Variants in CAPS2 observed in about 807,000 individuals in gnomAD.
CAPS2 encodes the protein calcyphosine 2.
CAPS2 carries 98 observed loss-of-function variants against 86.5 expected under a neutral mutation model. The ratio of observed to expected loss-of-function variants is 1.13; its 90% CI spans 0.96 to 1.34. The LOEUF is 1.34. Ranked by LOEUF, CAPS2 falls within the 40% of genes most tolerant of loss-of-function variation. The pLI is 0.00. For synonymous variants in CAPS2, 210 were observed against 225.1 expected (o/e 0.93, Z 0.60); for missense variants, 729 against 686.8 (o/e 1.06, Z -0.69).
intron 2 of CAPS2, among the ~76,000 whole-genome samples, chr12:75,324,187 A>C (rs570047394): frequency 2.0e-5 from 3 of 152,322 alleles, no homozygotes; most frequent in East Asian, 3.9e-4. Context: ...AAAGTAAATA[A>C]AAATATTAAC....
intron 8 of CAPS2, among the ~76,000 whole-genome samples, chr12:75,302,437 A>G (rs888735014): frequency 1.3e-5 from 2 of 152,258 alleles, no homozygotes; most frequent in African/African-American, 4.8e-5. Flanking sequence ...GACATATGAC[A>G]TATGTGGCAT....
At chr12:75,291,769 A>G in exon 13 of CAPS2, 1 of 1,569,348 alleles carries the variant, frequency 6.4e-7, no homozygotes, top group Non-Finnish European at 8.7e-7. Flanking sequence ...AGACCAGCCT[A>G]TCATTGGTTT....
At chr12:75,356,369 C>T (rs2043158427) in intron 1 of CAPS2, among the ~76,000 whole-genome samples, 1 of 152,006 alleles carries the variant, frequency 6.6e-6, no homozygotes, top group Non-Finnish European at 1.5e-5. Context: ...ATTTAATTCT[C>T]TTTCAAAGAT....
At chr12:75,300,044 C>T (rs993346525) in intron 8 of CAPS2, 133 bp from the exon 9 acceptor site, 3 of 432,708 alleles carry the variant, frequency 6.9e-6, no homozygotes, top group African/African-American at 4.1e-5. Flanking sequence ...TAAAAAAAAA[C>T]TCTTTTTTTC....
At chr12:75,300,089 C>T (rs1018887721) in intron 8 of CAPS2, among the ~76,000 whole-genome samples, 178 bp from the exon 9 acceptor site, 4 of 151,896 alleles carry the variant, frequency 2.6e-5, no homozygotes, top group Non-Finnish European at 5.9e-5. Context: ...AAAGAAATAA[C>T]TCTGAGATAT....
exon 17 of CAPS2, chr12:75,278,950 A>G (rs2033377920): frequency 1.9e-6 from 3 of 1,610,086 alleles, no homozygotes; most frequent in South Asian, 1.1e-5. Context: ...CTATTCCTAT[A>G]CTTAAACCTT....
chr12:75,388,017 T>C (rs1392020119), intron 1 of CAPS2, among the ~76,000 whole-genome samples: 1 of 152,206 alleles, frequency 6.6e-6, no homozygotes, highest in Non-Finnish European at 1.5e-5. Flanking sequence ...TTGATATGGT[T>C]TGGCTCTGTG....
chr12:75,378,992 T>G (rs955005948), intron 1 of CAPS2, among the ~76,000 whole-genome samples: 1 of 152,236 alleles, frequency 6.6e-6, no homozygotes, highest in African/African-American at 2.4e-5. Context: ...TAAATTCACA[T>G]GTATGTAGAG....
chr12:75,281,811 C>A (rs1424844918), intron 16 of CAPS2, among the ~76,000 whole-genome samples: 1 of 151,894 alleles, frequency 6.6e-6, no homozygotes, highest in Non-Finnish European at 1.5e-5. Flanking sequence ...TTTACAATAT[C>A]CTCAAATTTT....
intron 1 of CAPS2, among the ~76,000 whole-genome samples, chr12:75,363,678 A>T (rs567644197): frequency 6.6e-6 from 1 of 152,280 alleles, no homozygotes; most frequent in South Asian, 2.1e-4. Flanking sequence ...CAGAGGAAAA[A>T]AAAATGGAGC....
chr12:75,301,864 C>T (rs1298688656), intron 8 of CAPS2, among the ~76,000 whole-genome samples: 2 of 152,146 alleles, frequency 1.3e-5, no homozygotes, highest in East Asian at 3.9e-4. Context: ...TGCCCAATTG[C>T]TTTTAGGAAC....
At chr12:75,326,177 CAAAT>C (rs1325359638) in intron 1 of CAPS2, among the ~76,000 whole-genome samples, 3 of 151,860 alleles carry the variant, frequency 2.0e-5, no homozygotes, top group Non-Finnish European at 4.4e-5. Flanking sequence ...TTTCCTTAAA[CAAAT>C]ATTCTTAAAT....
chr12:75,376,016 T>C (rs2044628703), intron 1 of CAPS2, among the ~76,000 whole-genome samples: 1 of 152,228 alleles, frequency 6.6e-6, no homozygotes, highest in Non-Finnish European at 1.5e-5. Flanking sequence ...GTATGTCTTC[T>C]GGATCCGCCC....
rs190589651 is a variant in CAPS2, at chr12:75,343,812, A to C, written c.-394-20590T>G. 1.9e-6 allele frequency: 3 copies of C among 1,613,576 alleles called. No individual in the cohort carries two copies. The Admixed American group carries it at 5.0e-5, about 27-fold the overall frequency. ...ATGCAGCTTTTGAATATGTTGGAGA[A>C]AATATCTGGTTAGGTGGAATAAAGT... On this transcript the variant is annotated intron_variant, in intron 1 of 5. Coordinates refer to the CAPS2 transcript ENST00000551829.
intron 12 of CAPS2, among the ~76,000 whole-genome samples, chr12:75,292,898 A>C (rs946155590): frequency 1.3e-5 from 2 of 151,428 alleles, no homozygotes; most frequent in Non-Finnish European, 3.0e-5. Context: ...AAAAATCATA[A>C]TAACAATGTG....
Position 75,321,584 on chromosome 12 carries a change from T to C in CAPS2, c.292-8A>G. 1 of 1,525,422 alleles carries C rather than the reference T, an allele frequency of 6.6e-7. No individual in the cohort carries two copies. 94.5% of individuals were successfully genotyped at this position (1,525,422 alleles called of 1,614,324 possible). A position where few individuals can be genotyped will look rare whatever the true frequency, so the allele number is the denominator to read the frequency against. On this transcript the variant is annotated splice_polypyrimidine_tract_variant and splice_region_variant and intron_variant, in intron 4 of 16. Coordinates refer to ENST00000393284, the Ensembl canonical transcript of CAPS2. The stretch of plus-strand genomic sequence containing the variant: ...AGGTATTATGTTCTGATCCTATAGG[T>C]AAAAAGAAAAAAGCATGCTATCAGA...
At chr12:75,343,703 A>G (rs2042262942) in intron 1 of CAPS2, 5 of 1,604,542 alleles carry the variant, frequency 3.1e-6, no homozygotes, top group Non-Finnish European at 3.4e-6. Context: ...ATTTGGGATA[A>G]AGGTTTAGCA....
intron 7 of CAPS2, chr12:75,306,256 G>A (rs745820961): frequency 4.8e-6 from 3 of 629,848 alleles, no homozygotes; most frequent in East Asian, 5.8e-5. Flanking sequence ...TGGAGTTCCT[G>A]GCCAGGCAGG....
chr12:75,351,635 C>T (rs1314099193), intron 1 of CAPS2, among the ~76,000 whole-genome samples: 1 of 151,954 alleles, frequency 6.6e-6, no homozygotes, highest in Non-Finnish European at 1.5e-5. Context: ...CCACCTCCAC[C>T]TCCCAGGTTC....
Sources: gnomAD v4.1 joint callset for allele counts (sites outside exome capture counted in the v4.1 genomes callset) on GRCh38, gnomAD v4.1.1 for gene constraint, MANE v1.5 for transcripts, NCBI Gene and HGNC (gene_info 2026-07-23, HGNC 2026-07-21) for gene names.